NOS1AP: variants seen among roughly 807,000 people sequenced by gnomAD.
NOS1AP encodes nitric oxide synthase 1 adaptor protein, also known as carboxyl-terminal PDZ ligand of neuronal nitric oxide synthase protein.
In NOS1AP, 21 loss-of-function variants were observed where a neutral mutation model predicts 56.2. That is an observed-to-expected ratio of 0.37 (90% confidence interval 0.26 to 0.54). The LOEUF is 0.54. Among genes scored for constraint, NOS1AP ranks in the 20% least tolerant of loss-of-function variants. The pLI, the probability that NOS1AP is intolerant of heterozygous loss-of-function variation, is 0.84. For synonymous variants in NOS1AP, 270 were observed against 274.6 expected (o/e 0.98, Z 0.17); for missense variants, 522 against 657.8 (o/e 0.79, Z 2.26).
chr1:162,133,215 A>G (rs933724334), intron 1 of NOS1AP, among the ~76,000 whole-genome samples: 1 of 152,212 alleles, frequency 6.6e-6, no homozygotes. Context: ...TTTGAATTAA[A>G]CTGTATTAAC....
intron 5 of NOS1AP, among the ~76,000 whole-genome samples, chr1:162,343,630 T>A (rs921144541): frequency 1.3e-5 from 2 of 152,250 alleles, no homozygotes; most frequent in Non-Finnish European, 2.9e-5. Flanking sequence ...GTCCTTTCAG[T>A]TGACTGATTG....
At chr1:162,147,244 G>A (rs1649504503) in intron 1 of NOS1AP, among the ~76,000 whole-genome samples, 1 of 150,926 alleles carries the variant, frequency 6.6e-6, no homozygotes, top group African/African-American at 2.4e-5. Context: ...CAGGAGAATG[G>A]AGTGAACCCG....
At chr1:162,363,771 A>G in intron 8 of NOS1AP, 3 of 984,938 alleles carry the variant, frequency 3.0e-6, no homozygotes, top group Non-Finnish European at 3.6e-6. Flanking sequence ...ACTGTATCAC[A>G]CCTGTTCTCA....
chr1:162,171,809 C>T (rs1650795806), intron 2 of NOS1AP, among the ~76,000 whole-genome samples: 1 of 152,174 alleles, frequency 6.6e-6, no homozygotes, highest in Non-Finnish European at 1.5e-5. Context: ...TCATGCTTCT[C>T]CTCATGGCCA....
chr1:162,260,331 G>T (rs1281304640), intron 2 of NOS1AP, among the ~76,000 whole-genome samples: 1 of 152,090 alleles, frequency 6.6e-6, no homozygotes, highest in Non-Finnish European at 1.5e-5. Context: ...CTGTAGGGTG[G>T]GAACTTGAAA....
At chr1:162,347,948 C>T (rs561735779) in intron 6 of NOS1AP, among the ~76,000 whole-genome samples, 5 of 152,326 alleles carry the variant, frequency 3.3e-5, no homozygotes, top group South Asian at 2.1e-4. Flanking sequence ...TGACTTTCAG[C>T]TCCCACTCTC....
chr1:162,333,781 A>G (rs1028392832), intron 5 of NOS1AP, among the ~76,000 whole-genome samples: 1 of 152,220 alleles, frequency 6.6e-6, no homozygotes, highest in African/African-American at 2.4e-5. Context: ...TGTGTTCTGT[A>G]AAACATTTAT....
At chr1:162,331,620 GCACA>G (rs1367430767) in intron 4 of NOS1AP, among the ~76,000 whole-genome samples, 7 of 151,656 alleles carry the variant, frequency 4.6e-5, no homozygotes, top group Non-Finnish European at 8.8e-5. Flanking sequence ...CTTCTATACA[GCACA>G]GACCTACACT....
intron 3 of NOS1AP, among the ~76,000 whole-genome samples, chr1:162,298,405 C>T (rs1655539037): frequency 6.6e-6 from 1 of 152,220 alleles, no homozygotes; most frequent in Admixed American, 6.5e-5. Context: ...CCAAGGCACT[C>T]CTACCCCTAC....
At chr1:162,268,087 C>G (rs1465937531) in intron 2 of NOS1AP, among the ~76,000 whole-genome samples, 2 of 151,938 alleles carry the variant, frequency 1.3e-5, no homozygotes, top group African/African-American at 4.8e-5. Flanking sequence ...ATTAAAACCC[C>G]TTCTCTACTA....
chr1:162,264,831 C>A (rs1213322478), intron 2 of NOS1AP, among the ~76,000 whole-genome samples: 1 of 106,296 alleles, frequency 9.4e-6, no homozygotes, highest in Non-Finnish European at 1.9e-5. Flanking sequence ...TTTTTTTTTT[C>A]AAGACAGGGT....
chr1:162,071,861 T>C (rs1477819341), intron 1 of NOS1AP, among the ~76,000 whole-genome samples: 3 of 152,200 alleles, frequency 2.0e-5, no homozygotes, highest in Non-Finnish European at 2.9e-5. Flanking sequence ...AGCAGTACCC[T>C]ATTTTACAAG....
intron 2 of NOS1AP, among the ~76,000 whole-genome samples, chr1:162,190,698 G>A (rs1013932492): frequency 6.6e-6 from 1 of 152,060 alleles, no homozygotes; most frequent in African/African-American, 2.4e-5. Context: ...AGAAGTCTGG[G>A]ACTTAGTCCT....
intron 2 of NOS1AP, among the ~76,000 whole-genome samples, chr1:162,239,799 G>T (rs1402130759): frequency 6.6e-6 from 1 of 152,202 alleles, no homozygotes; most frequent in African/African-American, 2.4e-5. Flanking sequence ...GGGTGATGTT[G>T]CAAAGGGATT....
At chr1:162,153,223 G>C (rs191973106) in intron 1 of NOS1AP, among the ~76,000 whole-genome samples, 2 of 152,300 alleles carry the variant, frequency 1.3e-5, no homozygotes. Context: ...CCGCCTCCTG[G>C]GTTCAAGCAA....
At chr1:162,352,831 C>G (rs1657563056) in intron 6 of NOS1AP, among the ~76,000 whole-genome samples, 2 of 152,162 alleles carry the variant, frequency 1.3e-5, no homozygotes, top group Non-Finnish European at 2.9e-5. Context: ...ATATGAACAC[C>G]AACATTCAGT....
intron 2 of NOS1AP, among the ~76,000 whole-genome samples, chr1:162,242,365 A>T (rs1280814290): frequency 6.6e-6 from 1 of 152,226 alleles, no homozygotes; most frequent in Non-Finnish European, 1.5e-5. Context: ...AGGTCCAAAA[A>T]AATGGCCAGT....
chr1:162,355,868 A>G (rs1281127585), intron 7 of NOS1AP, among the ~76,000 whole-genome samples: 1 of 152,222 alleles, frequency 6.6e-6, no homozygotes, highest in Non-Finnish European at 1.5e-5. Context: ...CTAACCTAAC[A>G]TCATATAGGT....
rs532590804 is a variant in NOS1AP at position 162,269,954 on chromosome 1, G to A, written c.178-17390G>A. On this transcript the variant is annotated intron_variant, in intron 2 of 9. Coordinates refer to ENST00000361897, the MANE Select transcript of NOS1AP (RefSeq NM_014697.3). ...GCTGGTAGTCTAAGGGTGTTAATCT[G>A]CAAATGATAAAATTACATGGGCCCA... is the stretch of plus-strand genomic sequence containing the variant. 3.7e-3 allele frequency among the ~76,000 whole-genome samples: 562 copies of A among 152,224 alleles called. 2 individuals are homozygous for A. The highest frequency in any genetic ancestry group is 5.6e-3 in the Non-Finnish European group (380 of 68,008).
Sources: gnomAD v4.1 joint callset for allele counts (sites outside exome capture counted in the v4.1 genomes callset) on GRCh38, gnomAD v4.1.1 for gene constraint, MANE v1.5 for transcripts, NCBI Gene and HGNC (gene_info 2026-07-23, HGNC 2026-07-21) for gene names.